CCNT2: variants seen among roughly 807,000 people sequenced by gnomAD.
The protein encoded by CCNT2 is cyclin T2, also known as cyclin-T2.
Under a neutral mutation model 70.0 loss-of-function variants are expected in CCNT2, and 18 were observed. That is an observed-to-expected ratio of 0.26 (90% CI 0.18 to 0.38). The LOEUF (loss-of-function observed/expected upper bound fraction) is 0.38, where lower values mean the gene tolerates loss of function less well. Among genes scored for constraint, CCNT2 ranks in the 10% least tolerant of loss-of-function variants. The pLI, the probability that CCNT2 is intolerant of heterozygous loss-of-function variation, is 1.00. For missense variants in CCNT2, 734 were observed against 890.2 expected (o/e 0.82, Z 2.23); for synonymous variants, 334 against 313.3 (o/e 1.07, Z -0.70).
At chr2:134,939,314 C>T (rs1302747073) in intron 4 of CCNT2, among the ~76,000 whole-genome samples, 1 of 152,052 alleles carries the variant, frequency 6.6e-6, no homozygotes, top group East Asian at 1.9e-4. Flanking sequence ...AAGTACTGTG[C>T]TTCACTCTGG....
rs145092785 is a variant in CCNT2, at chr2:134,929,947, G to A, written c.241-6894G>A. On this transcript the variant is annotated intron_variant, in intron 2 of 8. Coordinates refer to ENST00000264157, the MANE Select transcript of CCNT2 (RefSeq NM_058241.3). ...ATTACAGGCATGAGCCACCCCGCCTGGCCTAAATAGATGTCTTTAACGTTA... is the reference window on the plus strand; with the variant it reads ...ATTACAGGCATGAGCCACCCCGCCTAGCCTAAATAGATGTCTTTAACGTTA... Among the ~76,000 whole-genome samples the A allele has an allele frequency of 1.9e-3, 295 of 151,356 alleles. 3 individuals are homozygous for A. The highest frequency in any genetic ancestry group is 7.0e-3 in the African/African-American group (288 of 41,250).
At chr2:134,946,979 C>T (rs993242689) in intron 6 of CCNT2, among the ~76,000 whole-genome samples, 1 of 152,152 alleles carries the variant, frequency 6.6e-6, no homozygotes, top group African/African-American at 2.4e-5. Context: ...TATATTTTCT[C>T]AAATATCTGT....
Position 134,928,274 on chromosome 2 carries a change from C to CTTTTTTTTTTTTTTT in CCNT2, c.240+8388_240+8402dup, listed in dbSNP as rs551173090. Among the ~76,000 whole-genome samples the CTTTTTTTTTTTTTTT allele has an allele frequency of 2.7e-4, 26 of 96,382 alleles. 3 individuals carry two copies. Among genetic ancestry groups the CTTTTTTTTTTTTTTT allele is most frequent in the East Asian group, 6.3e-4 (2 of 3,164 alleles). 63.2% of individuals were successfully genotyped at this position (96,382 alleles called of 152,430 possible). The stretch of plus-strand genomic sequence containing the variant: ...CCATGCCCGGCCTCACATTGTATTT[C>CTTTTTTTTTTTTTTT]TTTTTTTTTTTTTTTTTTTCTGAGA... On this transcript the variant is annotated intron_variant, in intron 2 of 8. Coordinates refer to ENST00000264157, the MANE Select transcript of CCNT2 (RefSeq NM_058241.3).
chr2:134,952,145 C>T (rs1039623880), intron 7 of CCNT2, among the ~76,000 whole-genome samples: 18 of 152,090 alleles, frequency 1.2e-4, no homozygotes, highest in African/African-American at 3.9e-4. Context: ...TCATGACAAC[C>T]GTGATCACTT....
chr2:134,943,357 T>C lies in CCNT2; in HGVS notation c.493+683T>C, dbSNP rs1252353011. The C allele has an allele frequency of 5.0e-6, 4 of 806,852 alleles. No homozygotes were observed. In the African/African-American group the frequency reaches 7.4e-5, roughly 15 times the overall value. The allele number at this position is 806,852 out of a possible 1,614,324, so 50.0% of individuals were successfully genotyped here. A position where few individuals can be genotyped will look rare whatever the true frequency, so the allele number is the denominator to read the frequency against. ...TGGAGGTTGCAGTGAGCCCAGATCATGCCCCTGCACTCTACCTTGGGCAGC... is the reference window on the plus strand; with the variant it reads ...TGGAGGTTGCAGTGAGCCCAGATCACGCCCCTGCACTCTACCTTGGGCAGC... On this transcript the variant is annotated intron_variant, in intron 5 of 8. Coordinates refer to ENST00000264157, the MANE Select transcript of CCNT2 (RefSeq NM_058241.3).
chr2:134,949,604 G>A (rs560101147), intron 7 of CCNT2, among the ~76,000 whole-genome samples: 1 of 152,160 alleles, frequency 6.6e-6, no homozygotes, highest in Non-Finnish European at 1.5e-5. Flanking sequence ...ATTGCTGCAT[G>A]ATTATAATGT....
At chr2:134,952,579 C>T (rs1682601424) in intron 7 of CCNT2, 62 bp from the exon 8 acceptor site, 3 of 996,052 alleles carry the variant, frequency 3.0e-6, no homozygotes, top group Non-Finnish European at 4.6e-6. Flanking sequence ...ATACTGCCCA[C>T]TTAAGAGAAA....
chr2:134,937,701 A>T (rs962507865), intron 3 of CCNT2, among the ~76,000 whole-genome samples: 6 of 152,144 alleles, frequency 3.9e-5, no homozygotes, highest in African/African-American at 9.7e-5. Context: ...GGATCACCTG[A>T]GGTCGGGAGT....
At chr2:134,936,151 CTTT>C (rs10712483) in intron 2 of CCNT2, among the ~76,000 whole-genome samples, 18 of 124,882 alleles carry the variant, frequency 1.4e-4, no homozygotes, top group African/African-American at 4.8e-4. Context: ...CGCTTTTCAT[CTTT>C]TTTTTTTTTT....
rs1345710245 is a variant in CCNT2, at chr2:134,918,888, T to G, written c.34T>G (p.Phe12Val). ...ASGRGASSRW[F>V]FTREQLENTP... ...GGGCCGTGGAGCTTCTTCTCGCTGG[T>G]TCTTTACTCGGGAACAGCTGGAGAA... is the stretch of plus-strand genomic sequence containing the variant. The change falls in exon 1 of 9, where the codon TTC becomes GTC. Residue 12 changes from phenylalanine to valine, a missense_variant. This residue lies in a region of CCNT2 where 41 missense variants were observed against 29.5 expected (regional missense o/e 1.39). Transcript: ENST00000264157. 1.9e-6 allele frequency: 3 copies of G among 1,613,786 alleles called. No homozygotes were observed. In the African/African-American group the frequency reaches 4.0e-5, roughly 22 times the overall value.
Position 134,943,423 on chromosome 2 carries a change from G to T in CCNT2, c.493+749G>T, listed in dbSNP as rs773209209. On this transcript the variant is annotated intron_variant, in intron 5 of 8. Transcript: ENST00000264157. The stretch of plus-strand genomic sequence containing the variant: ...TCTCAAAAAAAAAAGTTATTTTTGT[G>T]GGGGGAGTGTTTTGCCCATATTCAT... 1.9e-4 allele frequency: 184 copies of T among 984,622 alleles called. No individual in the cohort carries two copies. In the Middle Eastern group the frequency reaches 2.1e-3, roughly 11 times the overall value. The allele number at this position is 984,622 out of a possible 1,614,324, so 61.0% of individuals were successfully genotyped here. A position where few individuals can be genotyped will look rare whatever the true frequency, so the allele number is the denominator to read the frequency against.
chr2:134,920,578 C>T lies in CCNT2; in HGVS notation c.240+687C>T, dbSNP rs144739238. 1.5e-4 allele frequency among the ~76,000 whole-genome samples: 23 copies of T among 152,242 alleles called. 2 individuals carry two copies. The highest frequency in any genetic ancestry group is 5.5e-4 in the African/African-American group (23 of 41,550). On this transcript the variant is annotated intron_variant, in intron 2 of 8. Transcript: ENST00000264157. ...TGGCATTTTGTTGAAATGTTAATTT[C>T]ATTTATGAAAGATACGAGTTTGGTG...
At chr2:134,919,969 G>A (rs1043971853) in intron 2 of CCNT2, 78 bp downstream of exon 2, 28 of 941,072 alleles carry the variant, frequency 3.0e-5, no homozygotes, top group Non-Finnish European at 4.5e-5. Context: ...TGGTCATTGC[G>A]TTGTTGGATT....
At chr2:134,951,680 T>C (rs1682513107) in intron 7 of CCNT2, among the ~76,000 whole-genome samples, 1 of 152,060 alleles carries the variant, frequency 6.6e-6, no homozygotes, top group African/African-American at 2.4e-5. Context: ...GTCTCTGTTA[T>C]TTAACAAAAA....
intron 4 of CCNT2, among the ~76,000 whole-genome samples, chr2:134,941,608 T>G (rs1681587785): frequency 6.6e-6 from 1 of 152,136 alleles, no homozygotes; most frequent in Non-Finnish European, 1.5e-5. Flanking sequence ...AAAGTGAGGG[T>G]CTTATTTCTT....
At chr2:134,922,839 C>G (rs1226170157) in intron 2 of CCNT2, among the ~76,000 whole-genome samples, 2 of 152,110 alleles carry the variant, frequency 1.3e-5, no homozygotes, top group African/African-American at 2.4e-5. Context: ...TTGTAAAGAG[C>G]ACACCCTTTT....
intron 3 of CCNT2, among the ~76,000 whole-genome samples, chr2:134,938,198 T>G (rs1439354061): frequency 6.6e-6 from 1 of 152,188 alleles, no homozygotes; most frequent in African/African-American, 2.4e-5. Flanking sequence ...GTTTAAATAA[T>G]AGAAATTGAC....
At position 134,954,595 on chromosome 2, in the gene CCNT2, G is replaced by A; in HGVS notation, c.2140G>A (p.Asp714Asn). The A allele has an allele frequency of 6.2e-7, 1 of 1,614,006 alleles. No homozygotes were observed. The highest frequency in any genetic ancestry group is 1.1e-5 in the South Asian group (1 of 91,076). Residue 714 changes from aspartate (D) to asparagine (N), a missense_variant, in exon 9 of 9, where the codon GAC (aspartate) becomes AAC (asparagine). Around this residue, in one of 3 missense-constraint regions of CCNT2, gnomAD observed 532 missense variants for 556.9 expected, o/e 0.96. Coordinates refer to ENST00000264157, the MANE Select transcript of CCNT2 (RefSeq NM_058241.3). Reference protein sequence around the residue: ...STSSQHMDYKDTFDMLDSLLS... With the variant: ...STSSQHMDYKNTFDMLDSLLS... ...AAGCAGCCAGCATATGGACTACAAAGACACATTCGACATGCTGGACTCACT... is the reference window on the plus strand; with the variant it reads ...AAGCAGCCAGCATATGGACTACAAAAACACATTCGACATGCTGGACTCACT...
At chr2:134,948,734 T>TTTTTTTG (rs1682193324) in intron 7 of CCNT2, among the ~76,000 whole-genome samples, 1 of 151,588 alleles carries the variant, frequency 6.6e-6, no homozygotes, top group Non-Finnish European at 1.5e-5. Flanking sequence ...TTTTTTTTTT[T>TTTTTTTG]GAGTCAGTCT....
Sources: allele counts gnomAD v4.1 joint callset (sites outside exome capture counted in the v4.1 genomes callset), GRCh38; gene constraint gnomAD v4.1.1; regional missense constraint gnomAD v4.1.1; transcripts MANE v1.5; gene names NCBI Gene and HGNC (gene_info 2026-07-23, HGNC 2026-07-21).